Variants in ADAM22 observed in about 807,000 individuals in gnomAD.
The protein encoded by ADAM22 is disintegrin and metalloproteinase domain-containing protein 22.
ADAM22 carries 65 observed loss-of-function variants against 144.6 expected under a neutral mutation model. The observed-to-expected ratio is 0.45, with a 90% CI of 0.37 to 0.55. ADAM22 has a LOEUF of 0.55. Among genes scored for constraint, ADAM22 ranks in the 20% least tolerant of loss-of-function variants. ADAM22 has a pLI of 0.00. For missense variants in ADAM22, 974 were observed against 1,184.9 expected (o/e 0.82, Z 2.61); for synonymous variants, 391 against 412.6 (o/e 0.95, Z 0.63).
At chr7:87,978,726 T>C (rs1196242191) in intron 3 of ADAM22, among the ~76,000 whole-genome samples, 1 of 152,186 alleles carries the variant, frequency 6.6e-6, no homozygotes, top group Non-Finnish European at 1.5e-5. Flanking sequence ...AATAATACTT[T>C]GGGTATTGAA....
intron 3 of ADAM22, among the ~76,000 whole-genome samples, chr7:88,016,350 G>A (rs1401113267): frequency 1.3e-5 from 2 of 152,194 alleles, no homozygotes; most frequent in African/African-American, 4.8e-5. Context: ...ACAAGGCAAA[G>A]TAGTAAGTTT....
chr7:88,095,043 T>A (rs1820884954), intron 4 of ADAM22, among the ~76,000 whole-genome samples: 1 of 152,220 alleles, frequency 6.6e-6, no homozygotes, highest in Admixed American at 6.5e-5. Context: ...GTGTGGGAAA[T>A]ACTCCATAAA....
At chr7:88,054,004 C>A (rs185473411) in intron 3 of ADAM22, among the ~76,000 whole-genome samples, 1 of 151,918 alleles carries the variant, frequency 6.6e-6, no homozygotes, top group Non-Finnish European at 1.5e-5. Flanking sequence ...TGGTAGCATG[C>A]GCCTGTAATT....
chr7:88,080,633 C>G (rs1027554677), intron 4 of ADAM22, among the ~76,000 whole-genome samples: 21 of 152,082 alleles, frequency 1.4e-4, no homozygotes, highest in African/African-American at 5.1e-4. Context: ...AGAGAAGAAT[C>G]AAATAGACGC....
intron 3 of ADAM22, among the ~76,000 whole-genome samples, chr7:87,987,504 T>C (rs1204721104): frequency 1.3e-5 from 2 of 152,234 alleles, no homozygotes; most frequent in Non-Finnish European, 2.9e-5. Context: ...TTGAACTTTC[T>C]TAAATTATCT....
chr7:87,953,799 G>A (rs968900383), intron 2 of ADAM22, among the ~76,000 whole-genome samples: 83 of 152,266 alleles, frequency 5.5e-4, no homozygotes, highest in Admixed American at 3.9e-3. Flanking sequence ...AGGTCACTAA[G>A]GACTTGCTTT....
chr7:88,076,357 C>A (rs1392876159), intron 4 of ADAM22, among the ~76,000 whole-genome samples: 1 of 152,136 alleles, frequency 6.6e-6, no homozygotes, highest in African/African-American at 2.4e-5. Context: ...GACTTTTACA[C>A]CAACCTTTAG....
intron 4 of ADAM22, among the ~76,000 whole-genome samples, chr7:88,097,724 C>T (rs1301220234): frequency 6.6e-6 from 1 of 151,552 alleles, no homozygotes; most frequent in Non-Finnish European, 1.5e-5. Flanking sequence ...TCTCTTTGTG[C>T]AACAATCATC....
chr7:88,148,184 A>G (rs775932372), intron 17 of ADAM22, among the ~76,000 whole-genome samples: 1 of 152,174 alleles, frequency 6.6e-6, no homozygotes, highest in African/African-American at 2.4e-5. Flanking sequence ...GCAGAATAAC[A>G]TGTGCCTTTG....
intron 3 of ADAM22, among the ~76,000 whole-genome samples, chr7:87,987,183 T>C: frequency 6.6e-6 from 1 of 152,008 alleles, no homozygotes; most frequent in East Asian, 1.9e-4. Flanking sequence ...ACTATTATTA[T>C]TTTAATTATT....
intron 2 of ADAM22, among the ~76,000 whole-genome samples, chr7:87,970,803 A>G (rs1270839103): frequency 6.6e-6 from 1 of 152,202 alleles, no homozygotes; most frequent in African/African-American, 2.4e-5. Context: ...TGGGGATTGT[A>G]TCATGTTCTT....
At chr7:88,114,787 C>A in intron 6 of ADAM22, 140 bp downstream of exon 6, 1 of 713,904 alleles carries the variant, frequency 1.4e-6, no homozygotes, top group South Asian at 2.0e-5. Flanking sequence ...AGATGCTCCT[C>A]AACTTATGAT....
At chr7:88,121,931 G>A (rs1232627423) in intron 7 of ADAM22, among the ~76,000 whole-genome samples, 2 of 152,166 alleles carry the variant, frequency 1.3e-5, no homozygotes, top group African/African-American at 2.4e-5. Context: ...AAATTAGAAA[G>A]TAGCTGAGTA....
chr7:88,039,502 G>A (rs1008031960), intron 3 of ADAM22, among the ~76,000 whole-genome samples: 87 of 132,798 alleles, frequency 6.6e-4, no homozygotes, highest in African/African-American at 2.2e-3. Flanking sequence ...ATGTACGGTG[G>A]CTATAATCTG....
intron 3 of ADAM22, among the ~76,000 whole-genome samples, chr7:88,047,952 A>G (rs991832884): frequency 2.6e-5 from 4 of 152,118 alleles, no homozygotes; most frequent in African/African-American, 9.7e-5. Flanking sequence ...GAAAATATAA[A>G]ATTAGCAATA....
chr7:88,028,067 G>C (rs141504879), intron 3 of ADAM22, among the ~76,000 whole-genome samples: 1 of 152,212 alleles, frequency 6.6e-6, no homozygotes, highest in Non-Finnish European at 1.5e-5. Flanking sequence ...TTACAGGCAT[G>C]AGCCACTGTG....
chr7:88,113,702 A>ATATATATATATATATATATATAT (rs59803488), intron 5 of ADAM22, among the ~76,000 whole-genome samples: 1 of 72,986 alleles, frequency 1.4e-5, no homozygotes, highest in African/African-American at 6.9e-5. Flanking sequence ...ATAAATAAAT[A>ATATATATATATATATATATATAT]AATATATATA....
intron 2 of ADAM22, among the ~76,000 whole-genome samples, chr7:87,960,365 G>A (rs1847760359): frequency 6.9e-6 from 1 of 144,424 alleles, no homozygotes; most frequent in African/African-American, 2.6e-5. Context: ...GTTGCTGCTG[G>A]TGGTAGTGGG....
intron 3 of ADAM22, among the ~76,000 whole-genome samples, chr7:88,000,803 A>T (rs1027540460): frequency 1.3e-5 from 2 of 152,120 alleles, no homozygotes; most frequent in Non-Finnish European, 2.9e-5. Context: ...GAAAATTCAT[A>T]TTTTTTTCAG....
Sources: allele counts gnomAD v4.1 joint callset (sites outside exome capture counted in the v4.1 genomes callset), GRCh38; gene constraint gnomAD v4.1.1; transcripts MANE v1.5; gene names NCBI Gene and HGNC (gene_info 2026-07-23, HGNC 2026-07-21).